CYP7B1: variants seen among roughly 807,000 people sequenced by gnomAD.
The protein encoded by CYP7B1 is cytochrome P450 family 7 subfamily B member 1, also known as cytochrome P450 7B1.
Under a neutral mutation model 42.7 loss-of-function variants are expected in CYP7B1, and 29 were observed. The observed-to-expected ratio is 0.68, with a 90% CI of 0.51 to 0.93. The LOEUF (loss-of-function observed/expected upper bound fraction) is 0.93, where lower values mean the gene tolerates loss of function less well. CYP7B1 is among the 40% of genes least tolerant of loss of function. CYP7B1 has a pLI of 0.00. For synonymous variants in CYP7B1, 235 were observed against 218.2 expected (o/e 1.08, Z -0.68); for missense variants, 655 against 600.5 (o/e 1.09, Z -0.95).
At chr8:64,668,113 A>ATGTT (rs1288178544) in intron 1 of CYP7B1, among the ~76,000 whole-genome samples, 3 of 152,036 alleles carry the variant, frequency 2.0e-5, no homozygotes, top group African/African-American at 7.2e-5. Flanking sequence ...AGTGTTTGAG[A>ATGTT]TGTTTGGGGC....
Position 64,713,855 on chromosome 8 carries a change from C to T in CYP7B1, c.122+84611G>A, listed in dbSNP as rs369509995. Among the ~76,000 whole-genome samples, 6 of 152,242 alleles carry T rather than the reference C, an allele frequency of 3.9e-5. No homozygotes were observed. In the East Asian group the frequency reaches 1.2e-3, roughly 29 times the overall value. On this transcript the variant is annotated intron_variant, in intron 1 of 5. Transcript: ENST00000310193. ...TACACTCATGGGTCTTCTCTTTTTA[C>T]ATTATGCTATCTCATAGTGACTGCA...
At chr8:64,629,069 T>C (rs955097685) in intron 1 of CYP7B1, among the ~76,000 whole-genome samples, 87 of 151,938 alleles carry the variant, frequency 5.7e-4, no homozygotes, top group African/African-American at 2.0e-3. Context: ...CAACTAAAAA[T>C]ACAAATAATT....
At chr8:64,601,933 A>C (rs1805210578) in intron 5 of CYP7B1, among the ~76,000 whole-genome samples, 1 of 152,164 alleles carries the variant, frequency 6.6e-6, no homozygotes, top group Non-Finnish European at 1.5e-5. Flanking sequence ...TACACAAATC[A>C]CTTCTTTATT....
At chr8:64,738,167 G>T (rs1222234974) in intron 1 of CYP7B1, among the ~76,000 whole-genome samples, 2 of 152,130 alleles carry the variant, frequency 1.3e-5, no homozygotes, top group Non-Finnish European at 2.9e-5. Flanking sequence ...CTTCTCATGT[G>T]TAATTGTAAA....
chr8:64,687,494 A>T (rs1450004009), intron 1 of CYP7B1, among the ~76,000 whole-genome samples: 1 of 152,188 alleles, frequency 6.6e-6, no homozygotes, highest in Non-Finnish European at 1.5e-5. Flanking sequence ...AAATGTTCTA[A>T]AAAAAACCTG....
intron 1 of CYP7B1, among the ~76,000 whole-genome samples, chr8:64,636,776 G>C (rs971639802): frequency 6.6e-6 from 1 of 152,140 alleles, no homozygotes; most frequent in African/African-American, 2.4e-5. Flanking sequence ...CTGGATCTTA[G>C]GAGAAAGCGA....
At chr8:64,779,677 A>G (rs369008469) in intron 1 of CYP7B1, among the ~76,000 whole-genome samples, 4 of 152,246 alleles carry the variant, frequency 2.6e-5, no homozygotes, top group African/African-American at 7.2e-5. Flanking sequence ...CAGCTAATAA[A>G]AAGCACTGCT....
intron 1 of CYP7B1, among the ~76,000 whole-genome samples, chr8:64,670,732 C>T (rs939949238): frequency 3.3e-5 from 5 of 152,306 alleles, no homozygotes; most frequent in Admixed American, 6.5e-5. Context: ...ACGAGAAAGC[C>T]GCCCAACTGG....
intron 1 of CYP7B1, among the ~76,000 whole-genome samples, chr8:64,752,211 C>T (rs976540617): frequency 1.3e-5 from 2 of 151,884 alleles, no homozygotes; most frequent in African/African-American, 4.8e-5. Flanking sequence ...GTATAAGGTT[C>T]CAGGTGCTGT....
chr8:64,601,282 T>C, intron 5 of CYP7B1, among the ~76,000 whole-genome samples: 1 of 152,224 alleles, frequency 6.6e-6, no homozygotes, highest in Non-Finnish European at 1.5e-5. Context: ...TTTTGGGGGA[T>C]ATTCCAAAGG....
chr8:64,755,699 G>A (rs1429483046), intron 1 of CYP7B1, among the ~76,000 whole-genome samples: 1 of 152,152 alleles, frequency 6.6e-6, no homozygotes, highest in African/African-American at 2.4e-5. Flanking sequence ...GGACCAAGAG[G>A]CAAAATCAAT....
At chr8:64,590,556 ACC>A (rs1390027296), downstream of CYP7B1, among the ~76,000 whole-genome samples, 4 of 152,172 alleles carry the variant, frequency 2.6e-5, no homozygotes, top group African/African-American at 9.7e-5. Flanking sequence ...AAGAATTGTA[ACC>A]TAGCAAGGTC....
intron 1 of CYP7B1, among the ~76,000 whole-genome samples, chr8:64,639,442 A>G (rs1394526727): frequency 2.6e-5 from 4 of 152,128 alleles, no homozygotes; most frequent in Non-Finnish European, 5.9e-5. Flanking sequence ...ATCTGATTTA[A>G]AAAATGGGCA....
chr8:64,587,022 C>T (rs188015535), downstream of CYP7B1, among the ~76,000 whole-genome samples: 4 of 152,228 alleles, frequency 2.6e-5, no homozygotes, highest in Non-Finnish European at 2.9e-5. Flanking sequence ...TTTTGCCCGG[C>T]AAATCTCTGG....
In CYP7B1 at chr8:64,638,197, T is replaced by C. The variant is rs528150073; in HGVS notation, c.123-13658A>G. Among the ~76,000 whole-genome samples, 305 of 152,228 alleles carry C rather than the reference T, an allele frequency of 2.0e-3. 3 individuals carry two copies. Among genetic ancestry groups the C allele is most frequent in the African/African-American group, 7.2e-3 (298 of 41,558 alleles). ...CTCTTTGTTTCAGTTTTTAAAGTTA[T>C]GCTTTCTCTTTTTCATGATGGCGAC... On this transcript the variant is annotated intron_variant, in intron 1 of 5. Transcript: ENST00000310193.
At position 64,729,961 on chromosome 8, in the gene CYP7B1, T is replaced by C; in HGVS notation, c.122+68505A>G. On this transcript the variant is annotated intron_variant, in intron 1 of 5. Coordinates refer to ENST00000310193, the MANE Select transcript of CYP7B1 (RefSeq NM_004820.5). ...GTGAATCTAGTCTTTTGAATGGCTA[T>C]GCTGTCAACATTCCTAGTCAGCTAT... Among the ~76,000 whole-genome samples, 2 of 152,232 alleles carry C rather than the reference T, an allele frequency of 1.3e-5. 1 individual carries two copies. Among genetic ancestry groups the C allele is most frequent in the East Asian group, 3.8e-4 (2 of 5,200 alleles).
chr8:64,685,958 T>TCACC (rs1806628848), intron 1 of CYP7B1, among the ~76,000 whole-genome samples: 1 of 10,632 alleles, frequency 9.4e-5, no homozygotes, highest in Non-Finnish European at 1.8e-4. Flanking sequence ...CAGCCGCCCC[T>TCACC]TCCGGGAGGT....
intron 1 of CYP7B1, among the ~76,000 whole-genome samples, chr8:64,720,327 C>T (rs1807218147): frequency 6.6e-6 from 1 of 151,808 alleles, no homozygotes; most frequent in Admixed American, 6.6e-5. Flanking sequence ...CTTATGAGGG[C>T]AATATCAATG....
intron 1 of CYP7B1, among the ~76,000 whole-genome samples, chr8:64,690,183 A>G (rs955855183): frequency 6.6e-6 from 1 of 152,206 alleles, no homozygotes; most frequent in African/African-American, 2.4e-5. Flanking sequence ...GCATCGCTTG[A>G]GCCCAAAGGT....
Sources: allele counts gnomAD v4.1 joint callset (sites outside exome capture counted in the v4.1 genomes callset), GRCh38; gene constraint gnomAD v4.1.1; transcripts MANE v1.5; gene names NCBI Gene and HGNC (gene_info 2026-07-23, HGNC 2026-07-21).